STX18: variants seen among roughly 807,000 people sequenced by gnomAD.
STX18 encodes the protein syntaxin-18.
In STX18, 40 loss-of-function variants were observed where a neutral mutation model predicts 50.1. The observed-to-expected ratio is 0.80, with a 90% CI of 0.62 to 1.04. The LOEUF is 1.04. STX18 is among the 50% of genes least tolerant of loss of function. The pLI is 0.00. For missense variants in STX18, 410 were observed against 415.8 expected (o/e 0.99, Z 0.12); for synonymous variants, 158 against 151.8 (o/e 1.04, Z -0.30).
upstream of STX18, chr4:4,542,180 C>A: frequency 1.9e-6 from 1 of 532,478 alleles, no homozygotes; most frequent in Non-Finnish European, 3.1e-6. Flanking sequence ...AGGAACCTCG[C>A]GACGCGCTCT....
At position 4,521,169 on chromosome 4, in the gene STX18, T is replaced by C. The variant is rs552140063; in HGVS notation, c.168+20628A>G. Among the ~76,000 whole-genome samples, 12 of 152,216 alleles carry C rather than the reference T, an allele frequency of 7.9e-5. No individual in the cohort carries two copies. The South Asian group carries it at 2.5e-3, about 32-fold the overall frequency. ...AATCCTCATAGGCAAAAAGAAAAAG[T>C]TACTGAATCTCTTTTGACTCCAAGG... On this transcript the variant is annotated intron_variant, in intron 1 of 10. Transcript: ENST00000306200.
intron 2 of STX18, among the ~76,000 whole-genome samples, chr4:4,464,611 A>G (rs1265377127): frequency 1.3e-5 from 2 of 152,160 alleles, no homozygotes; most frequent in East Asian, 3.8e-4. Context: ...TGACAAGGCT[A>G]AATTCCTCAA....
chr4:4,428,675 GGCACTGGGAAAT>G (rs1171727644), intron 7 of STX18, among the ~76,000 whole-genome samples: 1 of 152,096 alleles, frequency 6.6e-6, no homozygotes, highest in Non-Finnish European at 1.5e-5. Flanking sequence ...CACTCTCCCA[GGCACTGGGAAAT>G]GCACCCATAG....
chr4:4,532,907 T>C (rs928158838), intron 1 of STX18, among the ~76,000 whole-genome samples: 2 of 150,676 alleles, frequency 1.3e-5, no homozygotes, highest in African/African-American at 4.9e-5. Flanking sequence ...ACAAATTAGA[T>C]AGAAATGTTA....
intron 1 of STX18, among the ~76,000 whole-genome samples, chr4:4,501,637 AG>A (rs1729468085): frequency 1.3e-5 from 2 of 152,326 alleles, no homozygotes; most frequent in South Asian, 4.1e-4. Flanking sequence ...TTGGGATCAC[AG>A]GACACTAACA....
At chr4:4,439,957 T>G (rs1726021044) in intron 5 of STX18, among the ~76,000 whole-genome samples, 1 of 152,230 alleles carries the variant, frequency 6.6e-6, no homozygotes, top group African/African-American at 2.4e-5. Flanking sequence ...CCCTGTTTAT[T>G]TATCTGTTGG....
chr4:4,530,429 A>C (rs1731040285), intron 1 of STX18, among the ~76,000 whole-genome samples: 1 of 151,578 alleles, frequency 6.6e-6, no homozygotes, highest in Non-Finnish European at 1.5e-5. Context: ...CATACTCTTC[A>C]GTATGTCACA....
chr4:4,502,037 A>G (rs1408005842), intron 1 of STX18, among the ~76,000 whole-genome samples: 1 of 152,236 alleles, frequency 6.6e-6, no homozygotes, highest in East Asian at 1.9e-4. Flanking sequence ...GAACCTGCAC[A>G]TTAATGGAAA....
At chr4:4,505,362 G>T (rs1729650886) in intron 1 of STX18, among the ~76,000 whole-genome samples, 1 of 152,220 alleles carries the variant, frequency 6.6e-6, no homozygotes, top group Non-Finnish European at 1.5e-5. Context: ...TGGCAACACA[G>T]TACACTGCAA....
rs1017798584 is a variant in STX18, at chr4:4,533,998, G to A, written c.168+7799C>T. ...ACAGGAGAGAACCTGGCATCCACACGGGCCATCCTAAGTTTCTACCTCCTT... is the reference window on the plus strand; with the variant it reads ...ACAGGAGAGAACCTGGCATCCACACAGGCCATCCTAAGTTTCTACCTCCTT... On this transcript the variant is annotated intron_variant, in intron 1 of 10. Coordinates refer to ENST00000306200, the MANE Select transcript of STX18 (RefSeq NM_016930.4). Among the ~76,000 whole-genome samples, 4 of 152,108 alleles carry A rather than the reference G, an allele frequency of 2.6e-5. No individual in the cohort carries two copies. In the South Asian group the frequency reaches 8.3e-4, roughly 32 times the overall value.
At chr4:4,450,651 G>A (rs969949896) in intron 5 of STX18, among the ~76,000 whole-genome samples, 7 of 151,958 alleles carry the variant, frequency 4.6e-5, no homozygotes, top group African/African-American at 1.7e-4. Flanking sequence ...GTAACCACCC[G>A]CCTCTACCAC....
At position 4,442,803 on chromosome 4, in the gene STX18, T is replaced by TAAAA. The variant is rs71169645; in HGVS notation, c.498-4298_498-4295dup. Among the ~76,000 whole-genome samples, 183 of 100,596 alleles carry TAAAA rather than the reference T, an allele frequency of 1.8e-3. 2 individuals carry two copies. Among genetic ancestry groups the TAAAA allele is most frequent in the East Asian group, 0.01 (35 of 3,394 alleles). The allele number at this position is 100,596 out of a possible 152,430, so 66.0% of individuals were successfully genotyped here. A position where few individuals can be genotyped will look rare whatever the true frequency, so the allele number is the denominator to read the frequency against. Reference sequence around the variant, plus strand: ...ACTGCTCTTAAAATAACAAGTTTATTAAAAAAAAAAAAAAAAAAGCCCCAC... The same window carrying TAAAA: ...ACTGCTCTTAAAATAACAAGTTTATTAAAAAAAAAAAAAAAAAAAAAAGCCCCAC... On this transcript the variant is annotated intron_variant, in intron 5 of 10. Transcript: ENST00000306200.
At chr4:4,450,650 C>T (rs1560169940) in intron 5 of STX18, among the ~76,000 whole-genome samples, 2 of 152,148 alleles carry the variant, frequency 1.3e-5, no homozygotes, top group South Asian at 2.1e-4. Flanking sequence ...TGTAACCACC[C>T]GCCTCTACCA....
At chr4:4,522,499 T>TG (rs903179009) in intron 1 of STX18, among the ~76,000 whole-genome samples, 8 of 152,268 alleles carry the variant, frequency 5.3e-5, no homozygotes, top group African/African-American at 1.9e-4. Flanking sequence ...CTGACCATAA[T>TG]GGGGAGGAGT....
intron 5 of STX18, among the ~76,000 whole-genome samples, chr4:4,443,282 A>G (rs1191967405): frequency 6.6e-6 from 1 of 152,264 alleles, no homozygotes; most frequent in Non-Finnish European, 1.5e-5. Flanking sequence ...ATGTCCATCA[A>G]CATGGAACTG....
intron 5 of STX18, among the ~76,000 whole-genome samples, chr4:4,445,991 T>C (rs1726382229): frequency 6.6e-6 from 1 of 152,210 alleles, no homozygotes; most frequent in Non-Finnish European, 1.5e-5. Flanking sequence ...ATCAGACCAA[T>C]GATACTGAAT....
In STX18 at chr4:4,459,417, A is replaced by G. The variant is rs1028695281; in HGVS notation, c.307T>C (p.Phe103Leu). ...ATTGCTTCTGAACAGGTCCTCATGA[A>G]TATCTGGGCATCCTGGTCTATCTGG... ...RDQIDQDAQI[F>L]MRTCSEAIQQ... Residue 103 changes from phenylalanine (F) to leucine (L), a missense_variant, in exon 3 of 11, where the codon TTC (phenylalanine) becomes CTC (leucine). Phe to Leu is a conservative substitution (Grantham distance 22). Coordinates refer to ENST00000306200, the MANE Select transcript of STX18 (RefSeq NM_016930.4). 6.8e-6 allele frequency: 11 copies of G among 1,614,096 alleles called. No individual in the cohort carries two copies. Among genetic ancestry groups the G allele is most frequent in the Non-Finnish European group, 8.5e-6 (10 of 1,180,012 alleles).
At chr4:4,437,526 C>T in intron 6 of STX18, 1 of 843,438 alleles carries the variant, frequency 1.2e-6, no homozygotes, top group Non-Finnish European at 1.4e-6. Flanking sequence ...TTGAAAAAAC[C>T]CTAAATCCAA....
chr4:4,529,608 C>G (rs1560212402), intron 1 of STX18, among the ~76,000 whole-genome samples: 1 of 152,164 alleles, frequency 6.6e-6, no homozygotes, highest in African/African-American at 2.4e-5. Context: ...CACAGGACAC[C>G]TGTGCATGCC....
Sources: allele counts gnomAD v4.1 joint callset (sites outside exome capture counted in the v4.1 genomes callset), GRCh38; gene constraint gnomAD v4.1.1; transcripts MANE v1.5; gene names NCBI Gene and HGNC (gene_info 2026-07-23, HGNC 2026-07-21).